The following CDK15 variants were observed in gnomAD, a reference collection of about 807,000 sequenced individuals.
CDK15 encodes the protein cyclin dependent kinase 15, also known as cyclin-dependent kinase 15.
A neutral mutation model predicts 60.3 loss-of-function variants in CDK15; 62 were observed. The ratio of observed to expected loss-of-function variants is 1.03; its 90% CI spans 0.84 to 1.27. The LOEUF is 1.27. CDK15 is among the 50% of genes most tolerant of loss of function. The pLI is 0.00. For missense variants in CDK15, 541 were observed against 527.8 expected (o/e 1.03, Z -0.25); for synonymous variants, 194 against 195.7 (o/e 0.99, Z 0.07).
At chr2:201,874,221 A>G (rs1698987488) in intron 11 of CDK15, among the ~76,000 whole-genome samples, 1 of 152,166 alleles carries the variant, frequency 6.6e-6, no homozygotes, top group Non-Finnish European at 1.5e-5. Flanking sequence ...CTGCATTCCA[A>G]GGATTCAGTA....
intron 3 of CDK15, among the ~76,000 whole-genome samples, chr2:201,808,314 C>T (rs1051567417): frequency 6.6e-6 from 1 of 152,298 alleles, no homozygotes; most frequent in Admixed American, 6.5e-5. Flanking sequence ...TTATATCCCT[C>T]CCTAAATCAC....
At chr2:201,841,043 T>G (rs1390721524) in intron 8 of CDK15, among the ~76,000 whole-genome samples, 1 of 152,232 alleles carries the variant, frequency 6.6e-6, no homozygotes, top group Non-Finnish European at 1.5e-5. Flanking sequence ...CTCCTTCATA[T>G]TTTCCATTTC....
At chr2:201,881,695 C>T (rs1005083695) in intron 12 of CDK15, among the ~76,000 whole-genome samples, 2 of 152,116 alleles carry the variant, frequency 1.3e-5, no homozygotes, top group Non-Finnish European at 2.9e-5. Context: ...GAACAAAAGA[C>T]ATTGCAGGCA....
rs1699693771 is a variant in CDK15, at chr2:201,893,312, T to A, written c.*45T>A. 1 of 152,228 alleles carries A rather than the reference T, an allele frequency of 6.6e-6. No individual in the cohort carries two copies. The highest frequency in any genetic ancestry group is 2.4e-5 in the African/African-American group (1 of 41,458). 9.4% of individuals were successfully genotyped at this position (152,228 alleles called of 1,614,324 possible). ...TCATTCACTTCCAGGGCTGTATTTC[T>A]GCAGTTTCGGTTTTCATTTGCTTCA... On this transcript the variant is annotated 3_prime_UTR_variant, in exon 14 of 14. Coordinates refer to ENST00000652192, the MANE Select transcript of CDK15 (RefSeq NM_001366386.2).
chr2:201,811,366 G>A (rs1445707926), intron 3 of CDK15, among the ~76,000 whole-genome samples: 2 of 151,786 alleles, frequency 1.3e-5, no homozygotes, highest in Non-Finnish European at 2.9e-5. Context: ...TAGGCAGGAT[G>A]GTCTCGATCT....
rs990648956 is a variant in CDK15 at position 201,888,779 on chromosome 2, G to A, written c.1199-2006G>A. ...GCTGCTTTTGAGGGGCAAGGAAGCC[G>A]GAGGGAAATCCCAGCTTTTCATGCC... On this transcript the variant is annotated intron_variant, in intron 12 of 13. Coordinates refer to ENST00000652192, the MANE Select transcript of CDK15 (RefSeq NM_001366386.2). 3.3e-5 allele frequency: 38 copies of A among 1,160,778 alleles called. No individual in the cohort carries two copies. In the East Asian group the frequency reaches 5.6e-4, roughly 17 times the overall value. 71.9% of individuals were successfully genotyped at this position (1,160,778 alleles called of 1,614,324 possible).
chr2:201,850,050 C>T (rs1283242480), intron 9 of CDK15, among the ~76,000 whole-genome samples: 1 of 152,190 alleles, frequency 6.6e-6, no homozygotes, highest in African/African-American at 2.4e-5. Context: ...GTCTCAAACT[C>T]CTGACCTCGT....
At chr2:201,860,966 C>T in intron 10 of CDK15, 1 of 1,224,578 alleles carries the variant, frequency 8.2e-7, no homozygotes, top group Non-Finnish European at 1.0e-6. Flanking sequence ...GAGCAAGTCT[C>T]TGTGTTTGCT....
intron 4 of CDK15, among the ~76,000 whole-genome samples, chr2:201,818,158 T>C (rs189302881): frequency 6.6e-6 from 1 of 152,284 alleles, no homozygotes; most frequent in Non-Finnish European, 1.5e-5. Context: ...ATGCCAGGCC[T>C]GTGCTAGTGC....
At chr2:201,848,738 C>G (rs563514104) in intron 9 of CDK15, among the ~76,000 whole-genome samples, 1 of 152,024 alleles carries the variant, frequency 6.6e-6, no homozygotes. Context: ...TTTAAATCGG[C>G]GGGGTGCAGG....
intron 8 of CDK15, among the ~76,000 whole-genome samples, chr2:201,846,441 T>C (rs576221623): frequency 6.7e-6 from 1 of 149,242 alleles, no homozygotes; most frequent in Non-Finnish European, 1.5e-5. Context: ...TGCAGTGAGC[T>C]GAGATCGCAC....
chr2:201,858,210 G>C (rs1390920395), intron 10 of CDK15, among the ~76,000 whole-genome samples: 1 of 152,212 alleles, frequency 6.6e-6, no homozygotes, highest in Non-Finnish European at 1.5e-5. Context: ...TTCTCTGACA[G>C]TTAACTGTTT....
chr2:201,806,569 C>T lies in CDK15; in HGVS notation c.-96C>T, dbSNP rs1043116840. On this transcript the variant is annotated 5_prime_UTR_variant, in exon 1 of 14. The change creates a new upstream start codon in the 5' untranslated region. Coordinates refer to ENST00000652192, the MANE Select transcript of CDK15 (RefSeq NM_001366386.2). ...TCATGTGAGTCATATGAAAGCTCCA[C>T]GCTGCTGACCTCTGGCAAAAAGGGA... 34 of 1,371,034 alleles carry T rather than the reference C, an allele frequency of 2.5e-5. No homozygotes were observed. Among genetic ancestry groups the T allele is most frequent in the African/African-American group, 1.3e-4 (9 of 69,410 alleles). 84.9% of individuals were successfully genotyped at this position (1,371,034 alleles called of 1,614,324 possible).
At chr2:201,808,784 C>T (rs147107838) in intron 3 of CDK15, 33 of 151,304 alleles carry the variant, frequency 2.2e-4, no homozygotes, top group Non-Finnish European at 3.2e-4. Flanking sequence ...TGGCCAAAAA[C>T]GAAAAAAGAA....
At chr2:201,827,324 T>C (rs1454600896) in intron 6 of CDK15, among the ~76,000 whole-genome samples, 1 of 152,154 alleles carries the variant, frequency 6.6e-6, no homozygotes, top group Non-Finnish European at 1.5e-5. Flanking sequence ...CATACGCCTG[T>C]AGTCCCAGCT....
intron 9 of CDK15, among the ~76,000 whole-genome samples, chr2:201,849,621 G>C (rs771664159): frequency 1.3e-5 from 2 of 152,004 alleles, no homozygotes; most frequent in South Asian, 4.2e-4. Flanking sequence ...TAGGGCGATG[G>C]GTGAAGTATA....
At chr2:201,864,059 T>C (rs1698510522) in intron 10 of CDK15, among the ~76,000 whole-genome samples, 1 of 152,218 alleles carries the variant, frequency 6.6e-6, no homozygotes, top group Non-Finnish European at 1.5e-5. Context: ...CAAATATGTA[T>C]TGAATGCTAG....
chr2:201,867,581 T>TG (rs35810449), intron 10 of CDK15, among the ~76,000 whole-genome samples: 47,583 of 152,066 alleles, frequency 0.31, 8,045 homozygotes, highest in Middle Eastern at 0.37. Context: ...GCTGTGATCA[T>TG]GCTCATGCCA....
At chr2:201,855,155 A>T (rs1330859076) in intron 10 of CDK15, among the ~76,000 whole-genome samples, 1 of 152,226 alleles carries the variant, frequency 6.6e-6, no homozygotes, top group East Asian at 1.9e-4. Flanking sequence ...AAACACAAGT[A>T]GCAAGCTGAA....
Sources: allele counts gnomAD v4.1 joint callset (sites outside exome capture counted in the v4.1 genomes callset), GRCh38; gene constraint gnomAD v4.1.1; transcripts MANE v1.5; gene names NCBI Gene and HGNC (gene_info 2026-07-23, HGNC 2026-07-21).